The following ZNF91 variants were observed in gnomAD, a reference collection of about 807,000 sequenced individuals.
ZNF91 encodes the protein zinc finger protein 91 (HPF7, HTF10).
In ZNF91, 7 loss-of-function variants were observed where a neutral mutation model predicts 12.6. The observed-to-expected ratio is 0.55, with a 90% confidence interval of 0.31 to 1.04. The LOEUF (loss-of-function observed/expected upper bound fraction) is 1.04. ZNF91 is among the 50% of genes least tolerant of loss of function. ZNF91 has a pLI of 0.05. For missense variants in ZNF91, 1,217 were observed against 1,385.4 expected (o/e 0.88, Z 1.93); for synonymous variants, 453 against 462.6 (o/e 0.98, Z 0.27).
intron 1 of ZNF91, among the ~76,000 whole-genome samples, chr19:23,333,565 A>C (rs1238251595): frequency 6.6e-6 from 1 of 152,212 alleles, no homozygotes; most frequent in Admixed American, 6.5e-5. Context: ...TGGGGTCACC[A>C]GTGTGCCTAG....
In ZNF91 at chr19:23,360,253, G is replaced by T. The variant is rs1207717737; in HGVS notation, c.2726C>A (p.Thr909Asn). 1.2e-6 allele frequency: 2 copies of T among 1,613,954 alleles called. No homozygotes were observed. The highest frequency in any genetic ancestry group is 2.7e-5 in the African/African-American group (2 of 74,984). Residue 909 changes from threonine (T) to asparagine (N), a missense_variant, in exon 4 of 4, where the codon ACC becomes AAC. Thr to Asn is a moderately conservative substitution (Grantham distance 65). Around this residue, in one of 2 missense-constraint regions of ZNF91, gnomAD observed 491 missense variants for 489.8 expected, o/e 1.00. Transcript: ENST00000300619. ...TTTGCCACATTCTTCACATTTGTAG[G>T]TTTTCTCTCTGGTATGAATTCTCTT... ...EHKRIHTREK[T>N]YKCEECGKAF...
chr19:23,344,745 C>G (rs558766275), intron 3 of ZNF91, among the ~76,000 whole-genome samples: 2 of 152,136 alleles, frequency 1.3e-5, no homozygotes, highest in African/African-American at 4.8e-5. Flanking sequence ...AAGATTCTCC[C>G]GAAAACTTAA....
At chr19:23,378,518 C>T (rs1174887388) in intron 1 of ZNF91, among the ~76,000 whole-genome samples, 1 of 151,924 alleles carries the variant, frequency 6.6e-6, no homozygotes, top group Non-Finnish European at 1.5e-5. Flanking sequence ...CTTTTTTAGC[C>T]CCACTGCCCT....
At chr19:23,310,319 T>C (rs1410674706) in intron 1 of ZNF91, among the ~76,000 whole-genome samples, 7 of 152,208 alleles carry the variant, frequency 4.6e-5, no homozygotes, top group South Asian at 2.1e-4. Context: ...CTGAATCTCA[T>C]ACCTGGAGAC....
chr19:23,368,209 C>A (rs1969095085), intron 3 of ZNF91, among the ~76,000 whole-genome samples: 1 of 151,944 alleles, frequency 6.6e-6, no homozygotes, highest in Admixed American at 6.6e-5. Flanking sequence ...AATTTTTAAT[C>A]TCTTAAACAC....
intron 1 of ZNF91, among the ~76,000 whole-genome samples, chr19:23,392,809 CA>C (rs963937319): frequency 4.4e-5 from 4 of 91,904 alleles, no homozygotes; most frequent in African/African-American, 1.2e-4. Context: ...ATAAATAAGA[CA>C]AAAAAAAACC....
rs188684714 is a variant in ZNF91, at chr19:23,362,394, T to C, written c.585A>G (p.Leu195=). Residue 195 remains leucine, a synonymous_variant, in exon 4 of 4, where the codon TTA becomes TTG. Coordinates refer to ENST00000300619, the MANE Select transcript of ZNF91 (RefSeq NM_003430.4). ...KKCVKSFCIR[L]HKTQHKCVYI... is the part of the protein sequence containing the mutation. Reference sequence around the variant, plus strand: ...AAACGCATTTATGTTGGGTTTTGTGTAAACGGATGCAAAATGACTTGACAC... The same window carrying C: ...AAACGCATTTATGTTGGGTTTTGTGCAAACGGATGCAAAATGACTTGACAC... 9.9e-5 allele frequency: 159 copies of C among 1,614,070 alleles called. No homozygotes were observed. In the East Asian group the frequency reaches 2.5e-3, roughly 25 times the overall value.
chr19:23,306,147 T>C (rs1372157988), intron 3 of ZNF91, among the ~76,000 whole-genome samples: 1 of 152,208 alleles, frequency 6.6e-6, no homozygotes, highest in African/African-American at 2.4e-5. Context: ...CTGGTACCAA[T>C]AGTAATGCAA....
chr19:23,370,988 G>A (rs1383852491), intron 3 of ZNF91, among the ~76,000 whole-genome samples: 1 of 151,974 alleles, frequency 6.6e-6, no homozygotes, highest in Non-Finnish European at 1.5e-5. Context: ...TTAAACACAT[G>A]GTGAAAATAA....
chr19:23,352,185 C>T (rs117355891), intron 3 of ZNF91, among the ~76,000 whole-genome samples: 5 of 152,260 alleles, frequency 3.3e-5, no homozygotes, highest in Non-Finnish European at 7.4e-5. Context: ...GAAACAGACT[C>T]GGGGCTGTTG....
upstream of ZNF91, among the ~76,000 whole-genome samples, chr19:23,314,215 AG>A (rs1967514918): frequency 1.3e-5 from 2 of 152,194 alleles, no homozygotes; most frequent in Admixed American, 6.5e-5. Flanking sequence ...TTCTGCGAAC[AG>A]GGGGAATTGT....
chr19:23,318,783 G>A (rs1177966978), intron 1 of ZNF91, among the ~76,000 whole-genome samples: 1 of 152,156 alleles, frequency 6.6e-6, no homozygotes, highest in Admixed American at 6.5e-5. Context: ...TGATTCTACT[G>A]CCTGGTCATT....
At chr19:23,367,780 G>A (rs1350317730) in intron 3 of ZNF91, among the ~76,000 whole-genome samples, 1 of 152,144 alleles carries the variant, frequency 6.6e-6, no homozygotes, top group Non-Finnish European at 1.5e-5. Flanking sequence ...GCACACAATG[G>A]AAGATAACCT....
At position 23,348,511 on chromosome 19, in the gene ZNF91, T is replaced by C. The variant is rs185621713; in HGVS notation, c.254-9457A>G. On this transcript the variant is annotated intron_variant, in intron 3 of 3. Coordinates refer to the ZNF91 transcript ENST00000599743. ...TCCTATGCCTGTCTTTACTTTAATC[T>C]CTTAATCCCATCATCTTTGTAAGCT... Among the ~76,000 whole-genome samples the C allele has an allele frequency of 3.5e-3, 534 of 152,324 alleles. 2 individuals carry two copies. The highest frequency in any genetic ancestry group is 0.012 in the African/African-American group (499 of 41,574).
intron 1 of ZNF91, among the ~76,000 whole-genome samples, chr19:23,387,963 A>G (rs990019572): frequency 6.0e-5 from 8 of 134,430 alleles, no homozygotes; most frequent in African/African-American, 2.2e-4. Context: ...AAAAAAAAAA[A>G]GGCCAGGCAC....
At chr19:23,371,983 A>G (rs1969296417) in intron 3 of ZNF91, among the ~76,000 whole-genome samples, 1 of 152,118 alleles carries the variant, frequency 6.6e-6, no homozygotes, top group Admixed American at 6.6e-5. Flanking sequence ...AAATATGGTT[A>G]GAGCTTCATG....
chr19:23,337,348 ATGTGTG>A (rs916885109), downstream of ZNF91, among the ~76,000 whole-genome samples: 1 of 151,388 alleles, frequency 6.6e-6, no homozygotes, highest in African/African-American at 2.4e-5. Context: ...GTGTGTGTGT[ATGTGTG>A]TGTGTATATA....
chr19:23,342,136 G>A (rs779914657), intron 3 of ZNF91: 3 of 420,004 alleles, frequency 7.1e-6, no homozygotes, highest in East Asian at 6.7e-5. Context: ...CGTATCCCTC[G>A]TCTCTGTTAT....
At chr19:23,337,465 T>C, downstream of ZNF91, among the ~76,000 whole-genome samples, 1 of 125,978 alleles carries the variant, frequency 7.9e-6, no homozygotes, top group East Asian at 2.3e-4. Context: ...ATTATGGTAA[T>C]AACTTCAAAA....
Sources: allele counts gnomAD v4.1 joint callset (sites outside exome capture counted in the v4.1 genomes callset), GRCh38; gene constraint gnomAD v4.1.1; regional missense constraint gnomAD v4.1.1; transcripts MANE v1.5; gene names NCBI Gene and HGNC (gene_info 2026-07-23, HGNC 2026-07-21).